Variants in CYTH1 observed in about 807,000 individuals in gnomAD.
CYTH1 encodes cytohesin-1.
A neutral mutation model predicts 61.8 loss-of-function variants in CYTH1; 18 were observed. That is an observed-to-expected ratio of 0.29 (90% CI 0.20 to 0.43). The LOEUF is 0.43. Among genes scored for constraint, CYTH1 ranks in the 20% least tolerant of loss-of-function variants. The probability of loss-of-function intolerance (pLI) is 1.00; values close to 1 mark genes in which losing one functional copy is unlikely to be tolerated. For synonymous variants in CYTH1, 174 were observed against 184.3 expected (o/e 0.94, Z 0.45); for missense variants, 336 against 510.5 (o/e 0.66, Z 3.29).
At chr17:78,714,308 A>T (rs1238754030) in intron 1 of CYTH1, among the ~76,000 whole-genome samples, 2 of 152,044 alleles carry the variant, frequency 1.3e-5, no homozygotes, top group East Asian at 1.9e-4. Flanking sequence ...TTAAAAATTT[A>T]AAAAAAATAG....
intron 1 of CYTH1, among the ~76,000 whole-genome samples, chr17:78,760,595 G>A (rs376148451): frequency 3.6e-5 from 4 of 110,386 alleles, no homozygotes; most frequent in Non-Finnish European, 3.8e-5. Flanking sequence ...GTATATATAT[G>A]TATATATATA....
chr17:78,726,741 T>G (rs1343502792), intron 1 of CYTH1, among the ~76,000 whole-genome samples: 2 of 151,740 alleles, frequency 1.3e-5, no homozygotes, highest in African/African-American at 2.4e-5. Context: ...ATTCTGCTGT[T>G]GAGTTGGGCG....
chr17:78,746,892 T>C (rs570341702), intron 1 of CYTH1, among the ~76,000 whole-genome samples: 2 of 152,076 alleles, frequency 1.3e-5, no homozygotes, highest in Non-Finnish European at 2.9e-5. Flanking sequence ...TGCAGTGAGC[T>C]GTCATCACCC....
chr17:78,722,393 T>C (rs1312011580), intron 1 of CYTH1, among the ~76,000 whole-genome samples: 1 of 152,190 alleles, frequency 6.6e-6, no homozygotes, highest in East Asian at 1.9e-4. Flanking sequence ...TTTCTAGCCC[T>C]AGCCTCCTTG....
At chr17:78,713,572 T>C (rs2093155667) in intron 1 of CYTH1, among the ~76,000 whole-genome samples, 1 of 151,652 alleles carries the variant, frequency 6.6e-6, no homozygotes, top group Non-Finnish European at 1.5e-5. Flanking sequence ...CTATATACCC[T>C]GAGAAGCCAA....
chr17:78,717,724 G>A lies in CYTH1; in HGVS notation c.23-7992C>T, dbSNP rs1053235897. Among the ~76,000 whole-genome samples, 2 of 152,094 alleles carry A rather than the reference G, an allele frequency of 1.3e-5. No homozygotes were observed. The highest frequency in any genetic ancestry group is 2.4e-5 in the African/African-American group (1 of 41,404). On this transcript the variant is annotated intron_variant, in intron 1 of 13. Coordinates refer to ENST00000446868, the MANE Select transcript of CYTH1 (RefSeq NM_004762.6). The surrounding 1 kb of genome is among the most constrained non-coding windows in gnomAD (Gnocchi z 4.4). The stretch of plus-strand genomic sequence containing the variant: ...TATGCCATAAAGTTCCACGGAAAAC[G>A]CAGCTCTCTGACAGCAGGTTCTGCT...
At chr17:78,699,017 C>T in intron 7 of CYTH1, 49 bp from the exon 8 acceptor site, 1 of 1,588,632 alleles carries the variant, frequency 6.3e-7, no homozygotes, top group East Asian at 2.3e-5. Flanking sequence ...CTCAGATGTT[C>T]AGAAACATCC....
chr17:78,711,314 T>C (rs57453217), intron 1 of CYTH1, among the ~76,000 whole-genome samples: 74,706 of 142,244 alleles, frequency 0.53, 19,139 homozygotes, highest in Non-Finnish European at 0.54. Flanking sequence ...TATATATATA[T>C]ACACACACAC....
intron 1 of CYTH1, among the ~76,000 whole-genome samples, chr17:78,712,067 A>C (rs903528504): frequency 6.7e-5 from 10 of 148,564 alleles, no homozygotes; most frequent in African/African-American, 2.5e-4. Context: ...CAACAGAGCC[A>C]GACAAGAAAG....
intron 1 of CYTH1, among the ~76,000 whole-genome samples, chr17:78,755,170 ATTAT>A (rs1035380914): frequency 3.3e-5 from 5 of 152,046 alleles, no homozygotes; most frequent in African/African-American, 9.7e-5. Flanking sequence ...CAAACATAAT[ATTAT>A]TTATTTATTT....
In CYTH1 at chr17:78,737,510, T is replaced by C. The variant is rs772847018; in HGVS notation, c.23-27778A>G. 9.3e-5 allele frequency among the ~76,000 whole-genome samples: 14 copies of C among 151,142 alleles called. 1 individual carries two copies. Among genetic ancestry groups the C allele is most frequent in the Admixed American group, 5.9e-4 (9 of 15,134 alleles). On this transcript the variant is annotated intron_variant, in intron 1 of 13. Transcript: ENST00000446868. ...CCCTGGTCCCCTCACAATGAGATAA[T>C]AGCCCATTTCCCAAGAGCATGACTA...
intron 10 of CYTH1, among the ~76,000 whole-genome samples, chr17:78,694,624 G>A (rs1015596467): frequency 1.3e-5 from 2 of 152,026 alleles, no homozygotes; most frequent in Non-Finnish European, 2.9e-5. Context: ...ACGGAGGCTC[G>A]GCACAAAGGG....
intron 2 of CYTH1, 191 bp downstream of exon 2, chr17:78,709,459 T>A (rs2093104926): frequency 3.5e-6 from 2 of 574,388 alleles, no homozygotes; most frequent in South Asian, 4.9e-5. Context: ...CCACTCAACC[T>A]CTCTGACACT....
intron 1 of CYTH1, among the ~76,000 whole-genome samples, chr17:78,774,756 C>G (rs967565855): frequency 2.0e-5 from 3 of 152,188 alleles, no homozygotes; most frequent in Admixed American, 6.5e-5. Flanking sequence ...TACAGCATGA[C>G]AGCTCTTCCT....
At chr17:78,690,900 T>C (rs1431743494) in intron 11 of CYTH1, among the ~76,000 whole-genome samples, 1 of 152,134 alleles carries the variant, frequency 6.6e-6, no homozygotes, top group Non-Finnish European at 1.5e-5. Context: ...TTATGTATCA[T>C]TTTGACCCAG....
At chr17:78,756,883 A>C (rs1406830937) in intron 1 of CYTH1, among the ~76,000 whole-genome samples, 1 of 152,040 alleles carries the variant, frequency 6.6e-6, no homozygotes, top group Non-Finnish European at 1.5e-5. Context: ...GAGGTTAGGA[A>C]CACAAAGTTC....
intron 10 of CYTH1, among the ~76,000 whole-genome samples, chr17:78,694,164 C>A (rs908077737): frequency 3.9e-5 from 6 of 152,240 alleles, no homozygotes; most frequent in African/African-American, 1.4e-4. Flanking sequence ...AAAAGGACCA[C>A]TGGACTTTCA....
chr17:78,732,535 T>C (rs1229275965), intron 1 of CYTH1, among the ~76,000 whole-genome samples: 1 of 152,208 alleles, frequency 6.6e-6, no homozygotes, highest in Non-Finnish European at 1.5e-5. Context: ...TGAATCCTCT[T>C]CAAAACTTGT....
chr17:78,725,151 CTT>C (rs1177007945), intron 1 of CYTH1, among the ~76,000 whole-genome samples: 1 of 152,144 alleles, frequency 6.6e-6, no homozygotes, highest in Non-Finnish European at 1.5e-5. Flanking sequence ...AGTTACATCT[CTT>C]TGCTTCTTTC....
Sources: gnomAD v4.1 joint callset for allele counts (sites outside exome capture counted in the v4.1 genomes callset) on GRCh38, gnomAD v4.1.1 for gene constraint, Gnocchi (gnomAD v3.1) non-coding constraint, MANE v1.5 for transcripts, NCBI Gene and HGNC (gene_info 2026-07-23, HGNC 2026-07-21) for gene names.